Variants in SCIN observed in about 807,000 individuals in gnomAD.
SCIN encodes adseverin.
In SCIN, 91 loss-of-function variants were observed where a neutral mutation model predicts 91.8. The ratio of observed to expected loss-of-function variants is 0.99; its 90% confidence interval spans 0.84 to 1.18. The LOEUF is 1.18. SCIN is among the 50% of genes most tolerant of loss of function. SCIN has a pLI of 0.00. For missense variants in SCIN, 1,087 were observed against 863.9 expected (o/e 1.26, Z -3.24); for synonymous variants, 367 against 312.6 (o/e 1.17, Z -1.84).
At position 12,570,802 on chromosome 7, in the gene SCIN, T is replaced by C. The variant is rs779961173; in HGVS notation, c.16T>C (p.Tyr6His). The part of the protein sequence containing the change: MAREL[Y>H]HEEFARAGKQ... ...TGCAGGAGCCATGGCGCGGGAGCTA[T>C]ACCACGAAGAGTTCGCCCGGGCGGG... The change falls in exon 1 of 16, where the codon TAC becomes CAC. Residue 6 changes from tyrosine (Y) to histidine (H), a missense_variant. By Grantham distance (83) the Tyr-to-His change is moderately conservative. Coordinates refer to ENST00000297029, the MANE Select transcript of SCIN (RefSeq NM_001112706.3). The C allele has an allele frequency of 6.4e-6, 10 of 1,551,278 alleles. No individual in the cohort carries two copies. Among genetic ancestry groups the C allele is most frequent in the South Asian group, 2.4e-5 (2 of 84,022 alleles).
At chr7:12,629,048 T>C in intron 8 of SCIN, 53 bp from the exon 9 acceptor site, 2 of 1,454,660 alleles carry the variant, frequency 1.4e-6, no homozygotes, top group Middle Eastern at 1.8e-4. Context: ...TTATGAGAAA[T>C]ATTATTAGAT....
In SCIN at chr7:12,651,302, C is replaced by T. The variant is rs1362036813; in HGVS notation, c.1960-539C>T. ...TAAGAGTGTGATACTCTCAGTTAAT[C>T]TTCCCTAGATCCCGAAAAGGGAGGG... On this transcript the variant is annotated intron_variant, in intron 14 of 15. Coordinates refer to ENST00000297029, the MANE Select transcript of SCIN (RefSeq NM_001112706.3). This position sits in a 1 kb window ranked among gnomAD's most constrained non-coding sequence, Gnocchi z 5.9. Among the ~76,000 whole-genome samples the T allele has an allele frequency of 6.6e-6, 1 of 152,132 alleles. No homozygotes were observed. The highest frequency in any genetic ancestry group is 2.4e-5 in the African/African-American group (1 of 41,422).
intron 4 of SCIN, among the ~76,000 whole-genome samples, chr7:12,606,951 C>G (rs1274727119): frequency 6.6e-6 from 1 of 152,158 alleles, no homozygotes; most frequent in African/African-American, 2.4e-5. Context: ...GAGATGGGAT[C>G]AACCATGTAA....
chr7:12,592,298 A>C (rs1782740743), intron 3 of SCIN, among the ~76,000 whole-genome samples: 1 of 152,030 alleles, frequency 6.6e-6, no homozygotes, highest in Non-Finnish European at 1.5e-5. Flanking sequence ...GATGGCTCGG[A>C]GGTTGTGAAC....
intron 9 of SCIN, among the ~76,000 whole-genome samples, chr7:12,629,912 A>T (rs1261354467): frequency 6.6e-6 from 1 of 152,094 alleles, no homozygotes; most frequent in Non-Finnish European, 1.5e-5. Flanking sequence ...CTTTTTATTA[A>T]GTGAAATCAG....
At chr7:12,607,697 G>A (rs1390116539) in intron 4 of SCIN, among the ~76,000 whole-genome samples, 1 of 152,126 alleles carries the variant, frequency 6.6e-6, no homozygotes, top group East Asian at 1.9e-4. Flanking sequence ...GAACTGAGAT[G>A]AATTTTCAGT....
chr7:12,580,959 G>A, intron 2 of SCIN, 101 bp from the exon 3 acceptor site: 3 of 1,239,688 alleles, frequency 2.4e-6, no homozygotes, highest in Non-Finnish European at 2.2e-6. Flanking sequence ...TACAGTTTTG[G>A]CACAAACACC....
rs1340663901 is a variant in SCIN, at chr7:12,629,141, A to G, written c.1238A>G (p.Gln413Arg). ...VENNGRIQVD[Q>R]NSYGEFYGGD... is the part of the protein sequence containing the mutation. ...AACAATGGTAGGATCCAAGTTGACC[A>G]AAACTCATATGGTGAATTCTATGGT... The change falls in exon 9 of 16, where the codon CAA (glutamine) becomes CGA (arginine). Residue 413 changes from glutamine (Q) to arginine (R), a missense_variant. Coordinates refer to ENST00000297029, the MANE Select transcript of SCIN (RefSeq NM_001112706.3). 1.4e-5 allele frequency: 23 copies of G among 1,613,386 alleles called. No individual in the cohort carries two copies. The highest frequency in any genetic ancestry group is 1.7e-4 in the Middle Eastern group (1 of 6,060).
chr7:12,624,960 A>T lies in SCIN; in HGVS notation c.760-50A>T, dbSNP rs914736560. ...CATTACCATAATCTAATTATAGAAC[A>T]TCCTTATCATCCCCAAATGAAAACA... On this transcript the variant is annotated intron_variant, in intron 5 of 15. Coordinates refer to ENST00000297029, the MANE Select transcript of SCIN (RefSeq NM_001112706.3). The T allele has an allele frequency of 7.2e-6, 11 of 1,530,370 alleles. No homozygotes were observed. In the Admixed American group the frequency reaches 2.3e-4, roughly 32 times the overall value. 94.8% of individuals were successfully genotyped at this position (1,530,370 alleles called of 1,614,324 possible).
At chr7:12,644,756 C>T (rs995164571) in intron 13 of SCIN, 51 bp downstream of exon 13, 12 of 1,531,800 alleles carry the variant, frequency 7.8e-6, no homozygotes, top group Admixed American at 4.0e-5. Context: ...TGGCTCATGC[C>T]TGTAATCCCA....
intron 9 of SCIN, among the ~76,000 whole-genome samples, chr7:12,633,849 G>A (rs1783694467): frequency 6.6e-6 from 1 of 152,122 alleles, no homozygotes; most frequent in South Asian, 2.1e-4. Context: ...CAGATGTGTT[G>A]GCTAGCATTA....
intron 4 of SCIN, among the ~76,000 whole-genome samples, chr7:12,612,962 C>G (rs1052944991): frequency 4.6e-5 from 7 of 152,132 alleles, no homozygotes; most frequent in African/African-American, 1.7e-4. Context: ...GCAATCATCT[C>G]TGAATGAGTT....
chr7:12,573,085 T>C (rs1782301341), intron 1 of SCIN, among the ~76,000 whole-genome samples: 1 of 152,068 alleles, frequency 6.6e-6, no homozygotes. Context: ...TCAAGTAAAA[T>C]AGTCAACAGG....
rs1416129810 is a variant in SCIN, at chr7:12,659,358, G to A, written c.*6643G>A. ...CAATAGACAGGTAAATACAGACTTGGCTGTATTTGAACAGCACCTTCAAAA... is the reference window on the plus strand; with the variant it reads ...CAATAGACAGGTAAATACAGACTTGACTGTATTTGAACAGCACCTTCAAAA... On this transcript the variant is annotated 3_prime_UTR_variant, in exon 16 of 16. Transcript: ENST00000297029. The A allele has an allele frequency of 5.9e-5, 9 of 152,162 alleles. No homozygotes were observed. The highest frequency in any genetic ancestry group is 5.9e-4 in the Admixed American group (9 of 15,274). 9.4% of individuals were successfully genotyped at this position (152,162 alleles called of 1,614,324 possible).
At chr7:12,588,567 A>G (rs1782639338) in intron 3 of SCIN, among the ~76,000 whole-genome samples, 1 of 151,964 alleles carries the variant, frequency 6.6e-6, no homozygotes, top group Non-Finnish European at 1.5e-5. Context: ...TGAGGGTTTT[A>G]TATGGGGGAG....
intron 6 of SCIN, 114 bp downstream of exon 6, chr7:12,625,256 T>C (rs1783491021): frequency 4.1e-6 from 4 of 987,404 alleles, no homozygotes; most frequent in Admixed American, 6.5e-5. Context: ...AATTAAGACA[T>C]GATCTATAAA....
chr7:12,574,541 T>C (rs535864516), intron 1 of SCIN, among the ~76,000 whole-genome samples: 17 of 152,226 alleles, frequency 1.1e-4, no homozygotes, highest in African/African-American at 3.9e-4. Flanking sequence ...CGAGTACAAG[T>C]AAAACTGAGA....
chr7:12,614,284 G>C (rs1783255783), intron 4 of SCIN, among the ~76,000 whole-genome samples: 1 of 152,094 alleles, frequency 6.6e-6, no homozygotes, highest in African/African-American at 2.4e-5. Context: ...GCATACAAGT[G>C]CTTCTTCTTA....
intron 4 of SCIN, among the ~76,000 whole-genome samples, chr7:12,607,896 A>C (rs1349748563): frequency 6.6e-6 from 1 of 152,212 alleles, no homozygotes; most frequent in Non-Finnish European, 1.5e-5. Flanking sequence ...AAAGCCCATG[A>C]ACTTGGTTGG....
Sources: allele counts gnomAD v4.1 joint callset (sites outside exome capture counted in the v4.1 genomes callset), GRCh38; gene constraint gnomAD v4.1.1; non-coding constraint Gnocchi (gnomAD v3.1); transcripts MANE v1.5; gene names NCBI Gene and HGNC (gene_info 2026-07-23, HGNC 2026-07-21).